VSIR: variants seen among roughly 807,000 people sequenced by gnomAD.
The protein encoded by VSIR is V-set immunoregulatory receptor, also known as V-type immunoglobulin domain-containing suppressor of T-cell activation.
In VSIR, 10 loss-of-function variants were observed where a neutral mutation model predicts 31.0. The observed-to-expected ratio is 0.32, with a 90% CI of 0.20 to 0.55. The LOEUF (loss-of-function observed/expected upper bound fraction) is 0.55. Among genes scored for constraint, VSIR ranks in the 20% least tolerant of loss-of-function variants. The pLI, the probability that VSIR is intolerant of heterozygous loss-of-function variation, is 0.93. For missense variants in VSIR, 356 were observed against 416.2 expected, an observed-to-expected ratio of 0.86 and a Z score of 1.26; for synonymous variants, 179 against 180.1, an observed-to-expected ratio of 0.99 and a Z score of 0.05.
chr10:71,751,675 T>C lies in VSIR; in HGVS notation c.891A>G (p.Pro297=), dbSNP rs1445490044. The change falls in exon 6 of 7, where the codon CCA becomes CCG. Residue 297 remains proline (P), a synonymous_variant. Coordinates refer to ENST00000394957, the MANE Select transcript of VSIR (RefSeq NM_022153.2). The surrounding 1 kb of genome is among the most constrained non-coding windows in gnomAD (Gnocchi z 4.9). ...SPPGPGDVFF[P]SLDPVPDSPN... The stretch of plus-strand genomic sequence containing the variant: ...AGGTCAGGAAACACTTACCCAGGGA[T>C]GGGAAGAAGACGTCTCCGGGGCCTG... The C allele has an allele frequency of 6.5e-6, 10 of 1,530,318 alleles. No homozygotes were observed. The highest frequency in any genetic ancestry group is 1.4e-5 in the African/African-American group (1 of 72,154). 94.8% of individuals were successfully genotyped at this position (1,530,318 alleles called of 1,614,324 possible). A position where few individuals can be genotyped will look rare whatever the true frequency, so the allele number is the denominator to read the frequency against.
chr10:71,767,076 C>G (rs1042322564), intron 1 of VSIR, among the ~76,000 whole-genome samples: 2 of 152,232 alleles, frequency 1.3e-5, no homozygotes, highest in East Asian at 1.9e-4. Flanking sequence ...CTGCTCAGAA[C>G]TTGGGCCTGG....
At chr10:71,767,722 G>A (rs1439555279) in intron 1 of VSIR, among the ~76,000 whole-genome samples, 2 of 152,382 alleles carry the variant, frequency 1.3e-5, no homozygotes, top group East Asian at 1.9e-4. Context: ...TCTGCCCTGG[G>A]GCTTTCTGGC....
rs117530736 is a variant in VSIR, at chr10:71,752,016, C to T, written c.705-155G>A. On this transcript the variant is annotated intron_variant, in intron 5 of 6. Coordinates refer to ENST00000394957, the MANE Select transcript of VSIR (RefSeq NM_022153.2). ...CAAGCAAGAAGGCAGGAGCCAGGCC[C>T]ACAGAGCAAAGGCCATGGGCTGCAC... 1.6e-3 allele frequency: 1,416 copies of T among 882,678 alleles called. 10 individuals carry two copies. In the African/African-American group the frequency reaches 0.019, roughly 12 times the overall value. 54.7% of individuals were successfully genotyped at this position (882,678 alleles called of 1,614,324 possible).
rs1297488842 is a variant in VSIR, at chr10:71,760,151, GTATA to G, written c.568+713_568+716del. 3.9e-4 allele frequency among the ~76,000 whole-genome samples: 6 copies of G among 15,542 alleles called. 2 individuals carry two copies. Among genetic ancestry groups the G allele is most frequent in the African/African-American group, 1.2e-3 (6 of 4,888 alleles). 10.2% of individuals were successfully genotyped at this position (15,542 alleles called of 152,430 possible). ...TATATGTATATACATATATATGTGT[GTATA>G]TATATGTATATACATATATATGTGT... is the stretch of plus-strand genomic sequence containing the variant. On this transcript the variant is annotated intron_variant, in intron 3 of 6. Transcript: ENST00000394957.
chr10:71,755,576 C>T, intron 3 of VSIR, 110 bp from the exon 4 acceptor site: 1 of 1,003,322 alleles, frequency 1.0e-6, no homozygotes, highest in Non-Finnish European at 1.5e-6. Flanking sequence ...CCGCCTTTCC[C>T]CAGAGTCCCA....
chr10:71,760,177 GTGTGTATATA>G lies in VSIR; in HGVS notation c.568+681_568+690del, dbSNP rs1564780096. Among the ~76,000 whole-genome samples the G allele has an allele frequency of 7.9e-4, 18 of 22,656 alleles. 5 individuals are homozygous for G. The highest frequency in any genetic ancestry group is 2.0e-3 in the South Asian group (2 of 1,008). 14.9% of individuals were successfully genotyped at this position (22,656 alleles called of 152,430 possible). On this transcript the variant is annotated intron_variant, in intron 3 of 6. Transcript: ENST00000394957. ...TATATATATGTATATACATATATATGTGTGTATATATATGTATATACATATATATGTGTGT... is the reference window on the plus strand; with the variant it reads ...TATATATATGTATATACATATATATGTATGTATATACATATATATGTGTGT...
Position 71,751,057 on chromosome 10 carries a change from G to A in VSIR, c.*196C>T. On this transcript the variant is annotated 3_prime_UTR_variant, in exon 7 of 7. Transcript: ENST00000394957. The surrounding 1 kb of genome is among the most constrained non-coding windows in gnomAD (Gnocchi z 4.9). ...GCACCCCAAAATCCTTGGAACAGGG[G>A]CTGAGCCGTCCAGCATCCCCATGTA... 1.6e-6 allele frequency: 1 copy of A among 631,682 alleles called. No individual in the cohort carries two copies. The highest frequency in any genetic ancestry group is 2.7e-6 in the Non-Finnish European group (1 of 372,190). The allele number at this position is 631,682 out of a possible 1,614,324, so 39.1% of individuals were successfully genotyped here. A position where few individuals can be genotyped will look rare whatever the true frequency, so the allele number is the denominator to read the frequency against.
At chr10:71,759,854 C>CACACACACATATAT (rs1482468493) in intron 3 of VSIR, among the ~76,000 whole-genome samples, 9 of 109,310 alleles carry the variant, frequency 8.2e-5, no homozygotes, top group African/African-American at 2.2e-4. Flanking sequence ...CACATATACA[C>CACACACACATATAT]ACACACACAC....
chr10:71,771,344 C>T (rs1028979984), intron 1 of VSIR, among the ~76,000 whole-genome samples: 2 of 152,214 alleles, frequency 1.3e-5, no homozygotes, highest in African/African-American at 2.4e-5. Context: ...AGTGCTGGCC[C>T]AACCCCAAGA....
chr10:71,771,945 G>A (rs1840694619), intron 1 of VSIR, among the ~76,000 whole-genome samples: 1 of 152,224 alleles, frequency 6.6e-6, no homozygotes, highest in Non-Finnish European at 1.5e-5. Context: ...GTCTCACAGG[G>A]CCACCAGGGA....
chr10:71,751,747 C>G lies in VSIR; in HGVS notation c.819G>C (p.Glu273Asp). 1 of 1,601,592 alleles carries G rather than the reference C, an allele frequency of 6.2e-7. No individual in the cohort carries two copies. The highest frequency in any genetic ancestry group is 8.5e-7 in the Non-Finnish European group (1 of 1,173,666). ...LSYVAQRQPSESGRHLLSEPS... is the reference protein window; with the variant it reads ...LSYVAQRQPSDSGRHLLSEPS... ...GCTCCGAAAGCAGATGCCGCCCAGA[C>G]TCAGAAGGCTGCCGCTGGGCCACAT... The change falls in exon 6 of 7, where the codon GAG becomes GAC. Residue 273 changes from glutamate to aspartate, a missense_variant. Glu to Asp is a conservative substitution (Grantham distance 45). This residue lies in a region of VSIR where 190 missense variants were observed against 185.2 expected (regional missense o/e 1.03). Coordinates refer to ENST00000394957, the MANE Select transcript of VSIR (RefSeq NM_022153.2). The surrounding 1 kb of genome is among the most constrained non-coding windows in gnomAD (Gnocchi z 4.9).
intron 3 of VSIR, among the ~76,000 whole-genome samples, chr10:71,756,870 T>A (rs1019015061): frequency 2.0e-5 from 3 of 152,246 alleles, no homozygotes; most frequent in Admixed American, 2.0e-4. Context: ...TTTGTTTTGC[T>A]CTACAATCCG....
At position 71,750,292 on chromosome 10, in the gene VSIR, C is replaced by T. The variant is rs1323567987; in HGVS notation, c.*961G>A. 2 of 152,300 alleles carry T rather than the reference C, an allele frequency of 1.3e-5. No homozygotes were observed. The highest frequency in any genetic ancestry group is 4.8e-5 in the African/African-American group (2 of 41,450). The allele number at this position is 152,300 out of a possible 1,614,324, so 9.4% of individuals were successfully genotyped here. ...AGCAGAGTGCAGATTTAAACTGGCT[C>T]TTACAATCCATCTCCAGGGTTTGCA... On this transcript the variant is annotated 3_prime_UTR_variant, in exon 7 of 7. Transcript: ENST00000394957.
Position 71,752,959 on chromosome 10 carries a change from T to C in VSIR, c.704+16A>G. Reference sequence around the variant, plus strand: ...GGCCCAGGAAGTTTTCTCAAGAAGGTCTCCATGGGCCTTACCTGTCCATCC... The same window carrying C: ...GGCCCAGGAAGTTTTCTCAAGAAGGCCTCCATGGGCCTTACCTGTCCATCC... On this transcript the variant is annotated intron_variant, in intron 5 of 6. Coordinates refer to ENST00000394957, the MANE Select transcript of VSIR (RefSeq NM_022153.2). The C allele has an allele frequency of 1.9e-6, 3 of 1,611,844 alleles. No individual in the cohort carries two copies. Among genetic ancestry groups the C allele is most frequent in the Non-Finnish European group, 2.5e-6 (3 of 1,178,818 alleles).
In VSIR at chr10:71,751,796, G is replaced by A. The variant is rs759786059; in HGVS notation, c.770C>T (p.Ala257Val). 6.3e-7 allele frequency: 1 copy of A among 1,597,850 alleles called. No individual in the cohort carries two copies. The highest frequency in any genetic ancestry group is 8.5e-7 in the Non-Finnish European group (1 of 1,171,982). Reference sequence around the variant, plus strand: ...ATAGGACAGGGGGTGCCTGACTTTGGCCTCGGGTATCCCCTGGGCAGGTGG... The same window carrying A: ...ATAGGACAGGGGGTGCCTGACTTTGACCTCGGGTATCCCCTGGGCAGGTGG... Reference protein sequence around the residue: ...ASPPAQGIPEAKVRHPLSYVA... With the variant: ...ASPPAQGIPEVKVRHPLSYVA... Residue 257 changes from alanine (A) to valine (V), a missense_variant, in exon 6 of 7, where the codon GCC becomes GTC. This residue lies in a region of VSIR where 190 missense variants were observed against 185.2 expected (regional missense o/e 1.03). Transcript: ENST00000394957. The surrounding 1 kb of genome is among the most constrained non-coding windows in gnomAD (Gnocchi z 4.9).
At chr10:71,767,537 G>C (rs759664479) in intron 1 of VSIR, among the ~76,000 whole-genome samples, 88 of 152,230 alleles carry the variant, frequency 5.8e-4, no homozygotes, top group Admixed American at 2.5e-3. Context: ...CTCCCCGCCA[G>C]GCCCCATCCC....
chr10:71,762,022 C>T lies in VSIR; in HGVS notation c.87G>A (p.Pro29=), dbSNP rs146801768. The T allele has an allele frequency of 6.6e-3, 10,485 of 1,595,930 alleles. 105 individuals carry two copies. The highest frequency in any genetic ancestry group is 0.025 in the South Asian group (2,189 of 88,522). The change falls in exon 2 of 7, where the codon CCG becomes CCA. Residue 29 remains proline, a synonymous_variant. Transcript: ENST00000394957. ...FALFLAASLG[P]VAAFKVATPY... is the part of the protein sequence containing the mutation. ...GCGTGGCGACCTTGAAGGCTGCCACCGGACCTGCTCAGAGAGAGGAGAGCC... is the reference window on the plus strand; with the variant it reads ...GCGTGGCGACCTTGAAGGCTGCCACTGGACCTGCTCAGAGAGAGGAGAGCC...
At chr10:71,759,852 C>CACACACACACACATATATAT (rs1554868479) in intron 3 of VSIR, among the ~76,000 whole-genome samples, 8,061 of 74,710 alleles carry the variant, frequency 0.11, 1,967 homozygotes, top group East Asian at 0.17. Flanking sequence ...CACACATATA[C>CACACACACACACATATATAT]ACACACACAC....
intron 3 of VSIR, among the ~76,000 whole-genome samples, chr10:71,759,242 T>C (rs1840231393): frequency 6.6e-6 from 1 of 152,010 alleles, no homozygotes; most frequent in African/African-American, 2.4e-5. Flanking sequence ...TTCACCCTGT[T>C]GGCCAGGCTG....
Sources: gnomAD v4.1 joint callset for allele counts (sites outside exome capture counted in the v4.1 genomes callset) on GRCh38, gnomAD v4.1.1 for gene constraint, gnomAD v4.1.1 regional missense constraint, Gnocchi (gnomAD v3.1) non-coding constraint, MANE v1.5 for transcripts, NCBI Gene and HGNC (gene_info 2026-07-23, HGNC 2026-07-21) for gene names.